Variants in PLB1 observed in about 807,000 individuals in gnomAD.
The protein encoded by PLB1 is phospholipase B1.
PLB1 carries 242 observed loss-of-function variants against 227.4 expected under a neutral mutation model. The observed-to-expected ratio is 1.06, with a 90% CI of 0.96 to 1.18. The LOEUF is 1.18. PLB1 is among the 50% of genes most tolerant of loss of function. PLB1 has a pLI of 0.00. For missense variants in PLB1, 1,858 were observed against 1,816.3 expected (o/e 1.02, Z -0.42); for synonymous variants, 757 against 682.2 (o/e 1.11, Z -1.71).
At chr2:28,550,685 C>G (rs191051393) in intron 16 of PLB1, among the ~76,000 whole-genome samples, 1 of 151,732 alleles carries the variant, frequency 6.6e-6, no homozygotes, top group Non-Finnish European at 1.5e-5. Flanking sequence ...GGATTATAGG[C>G]GCGCAACACC....
chr2:28,512,901 G>A (rs889792147), intron 1 of PLB1, among the ~76,000 whole-genome samples: 7 of 151,234 alleles, frequency 4.6e-5, no homozygotes, highest in Admixed American at 4.6e-4. Context: ...GGCTCTTTCA[G>A]TCTTTCTGGC....
Position 28,593,662 on chromosome 2 carries a change from C to T in PLB1, c.2248-19C>T, listed in dbSNP as rs1682385798. 1.2e-6 allele frequency: 2 copies of T among 1,611,818 alleles called. No homozygotes were observed. Among genetic ancestry groups the T allele is most frequent in the Admixed American group, 1.7e-5 (1 of 59,984 alleles). On this transcript the variant is annotated intron_variant, in intron 32 of 57. Transcript: ENST00000327757. Reference sequence around the variant, plus strand: ...TCTGACTTGCTAATTTTCCTATGGACTCTGGTATATTTTCAAAGGCTGGCA... The same window carrying T: ...TCTGACTTGCTAATTTTCCTATGGATTCTGGTATATTTTCAAAGGCTGGCA...
intron 1 of PLB1, among the ~76,000 whole-genome samples, chr2:28,496,451 G>A (rs550797437): frequency 1.3e-5 from 2 of 152,150 alleles, no homozygotes; most frequent in South Asian, 4.2e-4. Context: ...AAAAACCCCT[G>A]GATTCTATTT....
intron 14 of PLB1, among the ~76,000 whole-genome samples, chr2:28,547,701 C>A (rs2148217567): frequency 1.3e-5 from 2 of 152,260 alleles, no homozygotes; most frequent in Non-Finnish European, 2.9e-5. Context: ...GAGCCCAGCA[C>A]CTGTGGGCAG....
chr2:28,559,618 C>T (rs1002254570), intron 17 of PLB1, among the ~76,000 whole-genome samples: 1 of 152,052 alleles, frequency 6.6e-6, no homozygotes, highest in Non-Finnish European at 1.5e-5. Context: ...CAATGTTAAT[C>T]CGGCTTCCTG....
At chr2:28,634,416 C>G (rs1351045691) in intron 56 of PLB1, among the ~76,000 whole-genome samples, 1 of 152,158 alleles carries the variant, frequency 6.6e-6, no homozygotes, top group Non-Finnish European at 1.5e-5. Flanking sequence ...GTTCCTTTTC[C>G]CCTGAGACCT....
At chr2:28,551,664 T>C (rs1229646126) in intron 16 of PLB1, among the ~76,000 whole-genome samples, 3 of 152,236 alleles carry the variant, frequency 2.0e-5, no homozygotes, top group South Asian at 2.1e-4. Flanking sequence ...CTTTCACTTA[T>C]GGGCTCTGTG....
chr2:28,574,917 T>C (rs1678673965), intron 21 of PLB1, among the ~76,000 whole-genome samples: 1 of 152,238 alleles, frequency 6.6e-6, no homozygotes, highest in Non-Finnish European at 1.5e-5. Context: ...GCTTGTTGGT[T>C]GATGAGCACT....
chr2:28,585,276 T>C (rs1680712256), intron 25 of PLB1, among the ~76,000 whole-genome samples: 1 of 141,662 alleles, frequency 7.1e-6, no homozygotes, highest in Admixed American at 7.1e-5. Flanking sequence ...GGAATTTTTC[T>C]TTTTTTTTTT....
intron 5 of PLB1, among the ~76,000 whole-genome samples, chr2:28,525,688 T>A (rs936212212): frequency 2.6e-5 from 4 of 152,012 alleles, no homozygotes; most frequent in Non-Finnish European, 2.9e-5. Flanking sequence ...TGAGAGCGGG[T>A]TGGAGGAGCG....
intron 1 of PLB1, among the ~76,000 whole-genome samples, 157 bp downstream of exon 1, chr2:28,496,326 G>A (rs112340819): frequency 2.0e-5 from 3 of 152,316 alleles, no homozygotes; most frequent in African/African-American, 7.2e-5. Flanking sequence ...TGCCTCCTGC[G>A]GAATGGGATG....
Position 28,608,575 on chromosome 2 carries a change from G to T in PLB1, c.3129+2008G>T, listed in dbSNP as rs11885732. On this transcript the variant is annotated intron_variant, in intron 43 of 57. Transcript: ENST00000327757. ...GGATTTCTGTTGTAGTTTCAAGTTGGACAAATTCTTTTACAGACAACTTTT... is the reference window on the plus strand; with the variant it reads ...GGATTTCTGTTGTAGTTTCAAGTTGTACAAATTCTTTTACAGACAACTTTT... Among the ~76,000 whole-genome samples the T allele has an allele frequency of 1.3e-3, 202 of 152,288 alleles. 1 individual carries two copies. The highest frequency in any genetic ancestry group is 4.6e-3 in the African/African-American group (191 of 41,562).
intron 8 of PLB1, among the ~76,000 whole-genome samples, chr2:28,530,512 C>T (rs1453951586): frequency 1.3e-5 from 2 of 152,180 alleles, no homozygotes; most frequent in Non-Finnish European, 2.9e-5. Flanking sequence ...TTAATAATTA[C>T]CATATTAATT....
intron 4 of PLB1, among the ~76,000 whole-genome samples, chr2:28,521,127 G>A (rs572331277): frequency 2.0e-5 from 3 of 152,302 alleles, no homozygotes; most frequent in African/African-American, 7.2e-5. Context: ...AAGGATGAAT[G>A]CTCTTTCCTT....
intron 20 of PLB1, among the ~76,000 whole-genome samples, chr2:28,569,731 C>T (rs920641800): frequency 1.3e-5 from 2 of 151,806 alleles, no homozygotes; most frequent in African/African-American, 4.8e-5. Context: ...TTTGGGAGGC[C>T]GAGGCAGGCG....
At chr2:28,520,232 C>CT (rs57897168) in intron 4 of PLB1, among the ~76,000 whole-genome samples, 34 of 148,712 alleles carry the variant, frequency 2.3e-4, no homozygotes, top group African/African-American at 2.7e-4. Context: ...CCAGCCGAAT[C>CT]TTTTTTTTTT....
At chr2:28,618,100 T>C (rs188461559) in intron 45 of PLB1, among the ~76,000 whole-genome samples, 1 of 152,328 alleles carries the variant, frequency 6.6e-6, no homozygotes, top group East Asian at 1.9e-4. Context: ...GCTGGAACTT[T>C]CCTGGACCAC....
intron 4 of PLB1, among the ~76,000 whole-genome samples, chr2:28,524,290 G>T (rs1338897844): frequency 1.3e-5 from 2 of 152,172 alleles, no homozygotes; most frequent in Non-Finnish European, 2.9e-5. Flanking sequence ...ACCAAGGAGA[G>T]CTAAGATTTG....
At chr2:28,513,702 C>T (rs994299007) in intron 1 of PLB1, among the ~76,000 whole-genome samples, 1 of 152,152 alleles carries the variant, frequency 6.6e-6, no homozygotes, top group Non-Finnish European at 1.5e-5. Flanking sequence ...TGTGGGAGTG[C>T]CTAACAGAAT....
Sources: gnomAD v4.1 joint callset for allele counts (sites outside exome capture counted in the v4.1 genomes callset) on GRCh38, gnomAD v4.1.1 for gene constraint, MANE v1.5 for transcripts, NCBI Gene and HGNC (gene_info 2026-07-23, HGNC 2026-07-21) for gene names.